Variants in RBMXL1 observed in about 807,000 individuals in gnomAD.
RBMXL1 encodes RNA binding motif protein, X-linked-like-1.
Under a neutral mutation model 29.0 loss-of-function variants are expected in RBMXL1, and 18 were observed. That is an observed-to-expected ratio of 0.62 (90% CI 0.43 to 0.92). The LOEUF is 0.92. Among genes scored for constraint, RBMXL1 ranks in the 40% least tolerant of loss-of-function variants. The pLI is 0.00. For missense variants in RBMXL1, 403 were observed against 495.8 expected (o/e 0.81, Z 1.78); for synonymous variants, 141 against 170.4 (o/e 0.83, Z 1.34).
intron 1 of RBMXL1, among the ~76,000 whole-genome samples, chr1:88,989,009 G>T (rs1002438298): frequency 2.6e-5 from 4 of 152,160 alleles, no homozygotes; most frequent in Non-Finnish European, 1.5e-5. Context: ...AATGGAGGAA[G>T]ATCAAGGCAA....
Position 88,982,819 on chromosome 1 carries a change from T to G in RBMXL1, c.1008A>C (p.Ser336=). The change falls in exon 3 of 3, where the codon TCA becomes TCC. Residue 336 remains serine (S), a synonymous_variant. Coordinates refer to ENST00000652648, the MANE Select transcript of RBMXL1 (RefSeq NM_001162536.3). ...SYSSSRSDLY[S]SCDRVGRQER... ...CTTGTCTGCCAACCCTGTCACAACT[T>G]GAGTAGAGATCACTTCGGCTGCTTG... is the stretch of plus-strand genomic sequence containing the variant. 1 of 1,613,952 alleles carries G rather than the reference T, an allele frequency of 6.2e-7. No individual in the cohort carries two copies. Among genetic ancestry groups the G allele is most frequent in the Non-Finnish European group, 8.5e-7 (1 of 1,179,874 alleles).
intron 2 of RBMXL1, among the ~76,000 whole-genome samples, chr1:88,985,497 A>T (rs1285727656): frequency 2.0e-5 from 3 of 152,216 alleles, no homozygotes; most frequent in Non-Finnish European, 4.4e-5. Flanking sequence ...TGTGCCAAAA[A>T]CACACCTACG....
chr1:88,988,555 T>C, intron 1 of RBMXL1, among the ~76,000 whole-genome samples: 1 of 152,344 alleles, frequency 6.6e-6, no homozygotes, highest in Non-Finnish European at 1.5e-5. Flanking sequence ...GTATTCTTCC[T>C]ACACAAATTT....
intron 2 of RBMXL1, among the ~76,000 whole-genome samples, chr1:88,985,342 A>G (rs1336370141): frequency 4.6e-5 from 7 of 152,214 alleles, no homozygotes; most frequent in Admixed American, 4.6e-4. Flanking sequence ...AGAGTTGGAC[A>G]GTCAGGCTGA....
In RBMXL1 at chr1:88,983,099, T is replaced by G. The variant is rs1677192385; in HGVS notation, c.728A>C (p.Tyr243Ser). ...DYAPPPRDYT[Y>S]RDYGHSSSRD... Reference sequence around the variant, plus strand: ...TGAACTGGAATGACCATAATCACGGTAAGTATAATCTCGTGGTGGTGGTGC... The same window carrying G: ...TGAACTGGAATGACCATAATCACGGGAAGTATAATCTCGTGGTGGTGGTGC... Residue 243 changes from tyrosine (Y) to serine (S), a missense_variant, in exon 3 of 3, where the codon TAC becomes TCC. Transcript: ENST00000652648. The G allele has an allele frequency of 1.2e-6, 2 of 1,612,294 alleles. No homozygotes were observed.
At chr1:88,989,813 C>T (rs1258942546) in intron 1 of RBMXL1, among the ~76,000 whole-genome samples, 4 of 152,102 alleles carry the variant, frequency 2.6e-5, no homozygotes. Flanking sequence ...AATCCCAAAC[C>T]CCTCTCTCCT....
chr1:88,979,924 C>T lies in RBMXL1; in HGVS notation c.*2730G>A, dbSNP rs1676995079. 6.6e-6 allele frequency: 1 copy of T among 152,138 alleles called. No individual in the cohort carries two copies. Among genetic ancestry groups the T allele is most frequent in the African/African-American group, 2.4e-5 (1 of 41,412 alleles). 9.4% of individuals were successfully genotyped at this position (152,138 alleles called of 1,614,324 possible). ...CCAAACTGGAAACAATCCCAAGGTC[C>T]ATCAACAGGTGAGTAGAAAAACAAA... On this transcript the variant is annotated 3_prime_UTR_variant, in exon 3 of 3. Coordinates refer to ENST00000652648, the MANE Select transcript of RBMXL1 (RefSeq NM_001162536.3).
Position 88,982,464 on chromosome 1 carries a change from A to G in RBMXL1, c.*190T>C. 1 of 1,071,272 alleles carries G rather than the reference A, an allele frequency of 9.3e-7. No homozygotes were observed. The highest frequency in any genetic ancestry group is 1.3e-6 in the Non-Finnish European group (1 of 766,822). 66.4% of individuals were successfully genotyped at this position (1,071,272 alleles called of 1,614,324 possible). ...GTTGAAAAGCAATGTCATAAAGTCA[A>G]ATAAAATTAAACATGTTTTACTTTT... On this transcript the variant is annotated 3_prime_UTR_variant, in exon 3 of 3. Coordinates refer to ENST00000652648, the MANE Select transcript of RBMXL1 (RefSeq NM_001162536.3).
At position 88,983,111 on chromosome 1, in the gene RBMXL1, C is replaced by A. The variant is rs748002776; in HGVS notation, c.716G>T (p.Arg239Leu). The change falls in exon 3 of 3, where the codon CGA (arginine) becomes CTA (leucine). Residue 239 changes from arginine (R) to leucine (L), a missense_variant. Coordinates refer to ENST00000652648, the MANE Select transcript of RBMXL1 (RefSeq NM_001162536.3). ...RDTRDYAPPP[R>L]DYTYRDYGHS... is the part of the protein sequence containing the mutation. ...ACCATAATCACGGTAAGTATAATCT[C>A]GTGGTGGTGGTGCATAATCTCTTGT... 1.2e-5 allele frequency: 19 copies of A among 1,612,230 alleles called. No homozygotes were observed. Among genetic ancestry groups the A allele is most frequent in the African/African-American group, 1.3e-5 (1 of 74,826 alleles).
rs994245133 is a variant in RBMXL1, at chr1:88,980,244, A to G, written c.*2410T>C. 1 of 152,594 alleles carries G rather than the reference A, an allele frequency of 6.6e-6. No homozygotes were observed. The highest frequency in any genetic ancestry group is 1.5e-5 in the Non-Finnish European group (1 of 68,026). The allele number at this position is 152,594 out of a possible 1,614,324, so 9.5% of individuals were successfully genotyped here. ...GATGGTGACAGTGGCTTCATGGCATATACATCTGTCAAAATAACCATTGAG... is the reference window on the plus strand; with the variant it reads ...GATGGTGACAGTGGCTTCATGGCATGTACATCTGTCAAAATAACCATTGAG... On this transcript the variant is annotated 3_prime_UTR_variant, in exon 3 of 3. Coordinates refer to ENST00000652648, the MANE Select transcript of RBMXL1 (RefSeq NM_001162536.3).
At chr1:88,989,500 C>T (rs1180705699) in intron 1 of RBMXL1, among the ~76,000 whole-genome samples, 2 of 152,120 alleles carry the variant, frequency 1.3e-5, no homozygotes, top group Non-Finnish European at 1.5e-5. Context: ...AACCCTCTAA[C>T]GACATAAAGA....
Position 88,982,733 on chromosome 1 carries a change from C to T in RBMXL1, c.1094G>A (p.Ser365Asn). ...ACCTCTTGGTGCTCCGCGGCTTGAA[C>T]TGCTGTAGGAATCACGTGAAGAAGG... is the stretch of plus-strand genomic sequence containing the variant. ...GYPSSRDSYS[S>N]SSRGAPRGAG... Residue 365 changes from serine to asparagine, a missense_variant, in exon 3 of 3, where the codon AGT becomes AAT. Coordinates refer to ENST00000652648, the MANE Select transcript of RBMXL1 (RefSeq NM_001162536.3). 6.2e-7 allele frequency: 1 copy of T among 1,613,968 alleles called. No individual in the cohort carries two copies. The highest frequency in any genetic ancestry group is 8.5e-7 in the Non-Finnish European group (1 of 1,179,864).
chr1:88,984,842 T>C (rs962762459), intron 2 of RBMXL1, among the ~76,000 whole-genome samples: 1 of 152,018 alleles, frequency 6.6e-6, no homozygotes, highest in Non-Finnish European at 1.5e-5. Context: ...CTCCACCCTG[T>C]AGAAAAAACA....
At chr1:88,986,544 A>C (rs771871819) in intron 2 of RBMXL1, among the ~76,000 whole-genome samples, 1 of 151,160 alleles carries the variant, frequency 6.6e-6, no homozygotes, top group African/African-American at 2.4e-5. Flanking sequence ...CACTGGCCTC[A>C]GCCTCCCAAA....
Position 88,982,462 on chromosome 1 carries a change from C to T in RBMXL1, c.*192G>A. ...TTGTTGAAAAGCAATGTCATAAAGT[C>T]AAATAAAATTAAACATGTTTTACTT... On this transcript the variant is annotated 3_prime_UTR_variant, in exon 3 of 3. Transcript: ENST00000652648. 9.4e-7 allele frequency: 1 copy of T among 1,063,116 alleles called. No homozygotes were observed. The highest frequency in any genetic ancestry group is 1.3e-6 in the Non-Finnish European group (1 of 760,366). The allele number at this position is 1,063,116 out of a possible 1,614,324, so 65.9% of individuals were successfully genotyped here.
intron 2 of RBMXL1, among the ~76,000 whole-genome samples, chr1:88,987,805 C>A (rs1296972482): frequency 6.6e-6 from 1 of 152,158 alleles, no homozygotes; most frequent in African/African-American, 2.4e-5. Flanking sequence ...CATCTAATAC[C>A]CAGTCCACAT....
intron 1 of RBMXL1, among the ~76,000 whole-genome samples, chr1:88,990,636 G>A (rs1322018275): frequency 6.6e-6 from 1 of 152,124 alleles, no homozygotes; most frequent in African/African-American, 2.4e-5. Context: ...GGAATTCCAA[G>A]ACCTAGACCT....
chr1:88,983,953 CGCTAGCACT>C lies in RBMXL1; in HGVS notation c.-136_-128del. On this transcript the variant is annotated 5_prime_UTR_variant, in exon 3 of 3. It removes the in-frame stop codon of an upstream open reading frame in the 5' UTR. Transcript: ENST00000652648. Reference sequence around the variant, plus strand: ...AGTTAGGAGGACTGAACCGCGAAGCCGCTAGCACTACTGCGCAATCTGGATGCTTTTTAA... The same window carrying C: ...AGTTAGGAGGACTGAACCGCGAAGCCACTGCGCAATCTGGATGCTTTTTAA... The C allele has an allele frequency of 9.6e-7, 1 of 1,043,202 alleles. No homozygotes were observed. The allele number at this position is 1,043,202 out of a possible 1,614,324, so 64.6% of individuals were successfully genotyped here. A position where few individuals can be genotyped will look rare whatever the true frequency, so the allele number is the denominator to read the frequency against.
rs74529840 is a variant in RBMXL1, at chr1:88,983,992, T to C, written c.-166A>G. On this transcript the variant is annotated 5_prime_UTR_variant, in exon 3 of 3. Coordinates refer to ENST00000652648, the MANE Select transcript of RBMXL1 (RefSeq NM_001162536.3). Reference sequence around the variant, plus strand: ...CGCAATCTGGATGCTTTTTAAGGTATGGCTATCCATTCAAAAAACCAGGAA... The same window carrying C: ...CGCAATCTGGATGCTTTTTAAGGTACGGCTATCCATTCAAAAAACCAGGAA... 5.3e-3 allele frequency: 3,080 copies of C among 580,450 alleles called. 74 individuals are homozygous for C. The highest frequency in any genetic ancestry group is 0.042 in the Admixed American group (1,310 of 30,912). 36.0% of individuals were successfully genotyped at this position (580,450 alleles called of 1,614,324 possible). A position where few individuals can be genotyped will look rare whatever the true frequency, so the allele number is the denominator to read the frequency against.
Sources: gnomAD v4.1 joint callset for allele counts (sites outside exome capture counted in the v4.1 genomes callset) on GRCh38, gnomAD v4.1.1 for gene constraint, MANE v1.5 for transcripts, NCBI Gene and HGNC (gene_info 2026-07-23, HGNC 2026-07-21) for gene names.